The following ZNF423 variants were observed in gnomAD, a reference collection of about 807,000 sequenced individuals.
ZNF423 encodes the protein zinc finger protein 423, also known as Ebf-associated zinc finger protein.
Under a neutral mutation model 95.8 loss-of-function variants are expected in ZNF423, and 12 were observed. The observed-to-expected ratio is 0.13, with a 90% CI of 0.08 to 0.20. The LOEUF is 0.20. ZNF423 is among the 10% of genes least tolerant of loss of function. The pLI, the probability that ZNF423 is intolerant of heterozygous loss-of-function variation, is 1.00. For synonymous variants in ZNF423, 749 were observed against 711.9 expected, an observed-to-expected ratio of 1.05 and a Z score of -0.83; for missense variants, 1,316 against 1,737.1, an observed-to-expected ratio of 0.76 and a Z score of 4.31.
chr16:49,749,239 A>G (rs1222903038), intron 2 of ZNF423, among the ~76,000 whole-genome samples: 1 of 151,960 alleles, frequency 6.6e-6, no homozygotes, highest in Non-Finnish European at 1.5e-5. Flanking sequence ...GACCCAGCCC[A>G]CCCCCACAAG....
intron 3 of ZNF423, among the ~76,000 whole-genome samples, chr16:49,716,380 A>C (rs2032707094): frequency 6.6e-6 from 1 of 152,130 alleles, no homozygotes. Flanking sequence ...GGGCGGGGAC[A>C]GAGGTGCAGG....
chr16:49,742,280 C>G (rs574974541), intron 2 of ZNF423, among the ~76,000 whole-genome samples: 32 of 152,196 alleles, frequency 2.1e-4, no homozygotes, highest in Middle Eastern at 6.8e-3. Context: ...TTGCACTCAG[C>G]TCTCAACTAC....
chr16:49,735,336 C>T (rs1447359402), intron 2 of ZNF423, among the ~76,000 whole-genome samples: 2 of 152,304 alleles, frequency 1.3e-5, no homozygotes, highest in East Asian at 3.9e-4. Context: ...ATTACTCTTT[C>T]CCCAGGGCTC....
At chr16:49,529,712 T>C (rs1307725151) in intron 5 of ZNF423, among the ~76,000 whole-genome samples, 1 of 152,032 alleles carries the variant, frequency 6.6e-6, no homozygotes. Flanking sequence ...AAGGTGAAGC[T>C]CAGGTGGGCC....
chr16:49,594,590 C>T (rs1971123029), intron 5 of ZNF423, among the ~76,000 whole-genome samples: 2 of 152,112 alleles, frequency 1.3e-5, no homozygotes, highest in South Asian at 4.1e-4. Flanking sequence ...GATCCAAATA[C>T]AAAGCATTAA....
chr16:49,527,772 G>A (rs969711341), intron 5 of ZNF423, among the ~76,000 whole-genome samples: 64 of 152,128 alleles, frequency 4.2e-4, no homozygotes, highest in African/African-American at 1.4e-3. Context: ...AGATGGGGGC[G>A]GTGCAGAAGA....
At chr16:49,739,723 G>A (rs2143479089) in intron 2 of ZNF423, among the ~76,000 whole-genome samples, 1 of 142,980 alleles carries the variant, frequency 7.0e-6, no homozygotes, top group South Asian at 2.2e-4. Flanking sequence ...TTTGGAGACA[G>A]GATCTTGGTC....
chr16:49,703,607 C>T (rs984015249), intron 3 of ZNF423, among the ~76,000 whole-genome samples: 1 of 152,234 alleles, frequency 6.6e-6, no homozygotes, highest in Non-Finnish European at 1.5e-5. Context: ...CTCCCAAGGC[C>T]CCTCACAGAC....
intron 5 of ZNF423, among the ~76,000 whole-genome samples, chr16:49,583,414 A>G (rs569579519): frequency 1.3e-5 from 2 of 152,268 alleles, no homozygotes; most frequent in Non-Finnish European, 2.9e-5. Context: ...TCATGATGGC[A>G]GCATCATTCC....
At chr16:49,854,102 C>G (rs1339485285) in intron 1 of ZNF423, 2 of 985,206 alleles carry the variant, frequency 2.0e-6, no homozygotes, top group African/African-American at 3.5e-5. Flanking sequence ...TTCCCGTCCT[C>G]TTCTTGGAGT....
At chr16:49,792,388 A>T (rs7199484) in intron 1 of ZNF423, among the ~76,000 whole-genome samples, 1 of 152,036 alleles carries the variant, frequency 6.6e-6, no homozygotes, top group Non-Finnish European at 1.5e-5. Context: ...TCTGGGGGAA[A>T]TCAAAGCTCT....
intron 3 of ZNF423, among the ~76,000 whole-genome samples, chr16:49,677,224 A>G: frequency 7.8e-6 from 1 of 127,708 alleles, no homozygotes; most frequent in Non-Finnish European, 1.6e-5. Context: ...ACATAGAAAC[A>G]AGAAAAGAGA....
At position 49,644,804 on chromosome 16, in the gene ZNF423, T is replaced by C. The variant is rs1479569680; in HGVS notation, c.302-5930A>G. Among the ~76,000 whole-genome samples, 2 of 150,682 alleles carry C rather than the reference T, an allele frequency of 1.3e-5. 1 individual carries two copies. The highest frequency in any genetic ancestry group is 4.9e-5 in the African/African-American group (2 of 40,812). ...CAGGACTGTGCTGAATACTGCAGGG[T>C]CGCCTGGGTGCATCCCACCTTGGTC... On this transcript the variant is annotated intron_variant, in intron 3 of 7. Transcript: ENST00000563137.
At chr16:49,534,197 T>C (rs1968967734) in intron 5 of ZNF423, among the ~76,000 whole-genome samples, 1 of 152,080 alleles carries the variant, frequency 6.6e-6, no homozygotes, top group African/African-American at 2.4e-5. Flanking sequence ...CTGATCATAA[T>C]GCTACCACCA....
At chr16:49,826,426 C>A (rs1397181344) in intron 1 of ZNF423, among the ~76,000 whole-genome samples, 1 of 152,198 alleles carries the variant, frequency 6.6e-6, no homozygotes, top group African/African-American at 2.4e-5. Flanking sequence ...GGGAACAAGT[C>A]AGGCTGGATT....
chr16:49,695,717 G>A (rs1363126798), intron 3 of ZNF423, among the ~76,000 whole-genome samples: 5 of 152,226 alleles, frequency 3.3e-5, no homozygotes, highest in Admixed American at 6.5e-5. Flanking sequence ...GTGAGCCACC[G>A]CGCCAGGCCC....
chr16:49,811,787 C>T lies in ZNF423; in HGVS notation c.41-22241G>A, dbSNP rs557090615. On this transcript the variant is annotated intron_variant, in intron 1 of 7. Transcript: ENST00000563137. ...GCCCCCAGAGGCCCTGTCAGCTGCC[C>T]AGGCCCCGCCTGACCGCCCGCCTCA... Among the ~76,000 whole-genome samples the T allele has an allele frequency of 3.2e-4, 49 of 151,380 alleles. 2 individuals carry two copies. The highest frequency in any genetic ancestry group is 1.0e-3 in the African/African-American group (42 of 41,244).
intron 3 of ZNF423, among the ~76,000 whole-genome samples, chr16:49,697,427 G>A (rs1338682928): frequency 6.6e-6 from 1 of 151,986 alleles, no homozygotes; most frequent in Non-Finnish European, 1.5e-5. Flanking sequence ...TACCTACCAA[G>A]TAGGCTCCTG....
At chr16:49,763,513 A>G (rs556265151) in intron 2 of ZNF423, among the ~76,000 whole-genome samples, 2 of 152,214 alleles carry the variant, frequency 1.3e-5, no homozygotes, top group South Asian at 4.2e-4. Flanking sequence ...GAGCACACAA[A>G]TCAAGGTATG....
Sources: allele counts gnomAD v4.1 joint callset (sites outside exome capture counted in the v4.1 genomes callset), GRCh38; gene constraint gnomAD v4.1.1; transcripts MANE v1.5; gene names NCBI Gene and HGNC (gene_info 2026-07-23, HGNC 2026-07-21).